Variants in CPQ observed in about 807,000 individuals in gnomAD.
The protein encoded by CPQ is carboxypeptidase Q, also known as Ser-Met dipeptidase.
In CPQ, 37 loss-of-function variants were observed where a neutral mutation model predicts 45.7. That is an observed-to-expected ratio of 0.81 (90% CI 0.62 to 1.07). CPQ has a LOEUF of 1.07. CPQ is among the 50% of genes least tolerant of loss of function. CPQ has a pLI of 0.00. For synonymous variants in CPQ, 186 were observed against 205.8 expected, an observed-to-expected ratio of 0.90 and a Z score of 0.82; for missense variants, 537 against 572.9, an observed-to-expected ratio of 0.94 and a Z score of 0.64.
intron 1 of CPQ, among the ~76,000 whole-genome samples, chr8:96,750,323 T>A (rs1810241859): frequency 6.6e-6 from 1 of 152,002 alleles, no homozygotes; most frequent in Non-Finnish European, 1.5e-5. Flanking sequence ...TAATTATTTT[T>A]CAAAATAATT....
At chr8:96,784,147 C>T (rs937109843) in intron 1 of CPQ, among the ~76,000 whole-genome samples, 1 of 152,124 alleles carries the variant, frequency 6.6e-6, no homozygotes, top group South Asian at 2.1e-4. Context: ...GTCTGACACA[C>T]AGCATGCACT....
At chr8:96,695,100 C>A (rs1272904725) in intron 1 of CPQ, among the ~76,000 whole-genome samples, 4 of 150,256 alleles carry the variant, frequency 2.7e-5, no homozygotes, top group East Asian at 3.9e-4. Context: ...AGATATAGAT[C>A]AATGGAACAG....
chr8:96,972,428 G>A (rs1022616680), intron 5 of CPQ, among the ~76,000 whole-genome samples: 3 of 152,124 alleles, frequency 2.0e-5, no homozygotes, highest in African/African-American at 7.2e-5. Context: ...TACCTGCCCT[G>A]GTAGCCAAAG....
At chr8:96,832,745 A>C (rs568952854) in intron 2 of CPQ, among the ~76,000 whole-genome samples, 1 of 152,282 alleles carries the variant, frequency 6.6e-6, no homozygotes, top group East Asian at 1.9e-4. Context: ...GTGTCTGTAT[A>C]GGTAGGTGTC....
intron 1 of CPQ, among the ~76,000 whole-genome samples, chr8:96,771,435 A>G (rs1235382226): frequency 6.6e-6 from 1 of 152,008 alleles, no homozygotes; most frequent in East Asian, 1.9e-4. Flanking sequence ...AGCAGGTAGA[A>G]TTGAGGGTGC....
At chr8:96,841,505 T>A (rs1189481722) in intron 3 of CPQ, among the ~76,000 whole-genome samples, 3 of 152,240 alleles carry the variant, frequency 2.0e-5, no homozygotes, top group African/African-American at 7.2e-5. Flanking sequence ...CTAGTTATTT[T>A]CTCCATTGCC....
chr8:96,910,055 T>C (rs1812636554), intron 4 of CPQ, among the ~76,000 whole-genome samples: 1 of 152,140 alleles, frequency 6.6e-6, no homozygotes, highest in African/African-American at 2.4e-5. Context: ...GAGTTTTTAG[T>C]GTCAGTTCTC....
intron 4 of CPQ, among the ~76,000 whole-genome samples, chr8:96,908,144 C>T (rs13267894): frequency 5.5e-5 from 5 of 91,466 alleles, no homozygotes; most frequent in Non-Finnish European, 9.5e-5. Context: ...GTGTGTGTGT[C>T]TGTGTGTGTG....
At chr8:97,037,311 T>C (rs1030375989) in intron 6 of CPQ, among the ~76,000 whole-genome samples, 1 of 152,234 alleles carries the variant, frequency 6.6e-6, no homozygotes, top group Non-Finnish European at 1.5e-5. Context: ...CTAATTTAGA[T>C]AGAGTGACAC....
At chr8:96,774,822 T>G (rs1810586567) in intron 1 of CPQ, among the ~76,000 whole-genome samples, 1 of 152,176 alleles carries the variant, frequency 6.6e-6, no homozygotes, top group Non-Finnish European at 1.5e-5. Flanking sequence ...CTTATGGTGT[T>G]AAGTAGTGTA....
intron 2 of CPQ, among the ~76,000 whole-genome samples, chr8:96,793,905 C>T (rs1324986814): frequency 6.6e-6 from 1 of 152,222 alleles, no homozygotes; most frequent in African/African-American, 2.4e-5. Flanking sequence ...CCTTTAACTC[C>T]ATGTCTCACA....
chr8:96,862,189 G>A (rs1018375130), intron 3 of CPQ, among the ~76,000 whole-genome samples: 1 of 151,814 alleles, frequency 6.6e-6, no homozygotes, highest in Admixed American at 6.6e-5. Flanking sequence ...CAGCCCTTCC[G>A]CTTATGCATA....
chr8:97,107,708 G>A (rs941728840), intron 7 of CPQ, among the ~76,000 whole-genome samples: 1 of 152,134 alleles, frequency 6.6e-6, no homozygotes, highest in African/African-American at 2.4e-5. Context: ...CTGGAGAAGG[G>A]CCAGAATACA....
intron 7 of CPQ, among the ~76,000 whole-genome samples, chr8:97,074,041 C>T (rs986722487): frequency 3.3e-5 from 5 of 152,228 alleles, no homozygotes; most frequent in African/African-American, 1.2e-4. Context: ...AGACCTGGCT[C>T]ATGCCTTCTA....
chr8:96,882,758 T>C (rs1269247474), intron 4 of CPQ, among the ~76,000 whole-genome samples: 1 of 152,202 alleles, frequency 6.6e-6, no homozygotes, highest in Non-Finnish European at 1.5e-5. Flanking sequence ...CCTGACTCAT[T>C]CTTTTATTTT....
chr8:96,776,260 G>A (rs1283012599), intron 1 of CPQ, among the ~76,000 whole-genome samples: 1 of 152,182 alleles, frequency 6.6e-6, no homozygotes, highest in Non-Finnish European at 1.5e-5. Context: ...TGGTGTGCCA[G>A]TGTCTGTGCT....
chr8:96,787,525 C>CTTTTTTTT (rs71267281), intron 2 of CPQ, among the ~76,000 whole-genome samples: 2,817 of 47,462 alleles, frequency 0.059, 902 homozygotes, highest in East Asian at 0.13. Flanking sequence ...CTTATAATGT[C>CTTTTTTTT]TTTTTTTTTT....
intron 7 of CPQ, among the ~76,000 whole-genome samples, chr8:97,074,191 G>T (rs1281553538): frequency 6.6e-6 from 1 of 152,118 alleles, no homozygotes. Context: ...AATATACTTT[G>T]TACTTTATCT....
chr8:96,760,440 C>G (rs943253032), intron 1 of CPQ, among the ~76,000 whole-genome samples: 1 of 152,092 alleles, frequency 6.6e-6, no homozygotes. Flanking sequence ...GTCTGTCAGA[C>G]CTTATAGCCC....
Sources: allele counts gnomAD v4.1 joint callset (sites outside exome capture counted in the v4.1 genomes callset), GRCh38; gene constraint gnomAD v4.1.1; transcripts MANE v1.5; gene names NCBI Gene and HGNC (gene_info 2026-07-23, HGNC 2026-07-21).